The following AFG1L variants were observed in gnomAD, a reference collection of about 807,000 sequenced individuals.
AFG1L encodes AFG1-like ATPase.
In AFG1L, 53 loss-of-function variants were observed where a neutral mutation model predicts 62.2. The ratio of observed to expected loss-of-function variants is 0.85; its 90% CI spans 0.68 to 1.07. AFG1L has a LOEUF of 1.07. Ranked by LOEUF, AFG1L falls within the 50% of genes least tolerant of loss-of-function variation. The pLI, the probability that AFG1L is intolerant of heterozygous loss-of-function variation, is 0.00. For missense variants in AFG1L, 555 were observed against 590.5 expected (o/e 0.94, Z 0.62); for synonymous variants, 228 against 210.3 (o/e 1.08, Z -0.73).
At chr6:108,445,681 A>AGAGAGAGAGAGAGAGAGAGAGAGAGAGAG (rs1582598653) in intron 7 of AFG1L, among the ~76,000 whole-genome samples, 1 of 140,350 alleles carries the variant, frequency 7.1e-6, no homozygotes, top group African/African-American at 2.7e-5. Context: ...AGAGAGAGAG[A>AGAGAGAGAGAGAGAGAGAGAGAGAGAGAG]AACAGCCAGT....
At chr6:108,444,716 C>T (rs942020874) in intron 7 of AFG1L, among the ~76,000 whole-genome samples, 5 of 152,212 alleles carry the variant, frequency 3.3e-5, no homozygotes, top group Non-Finnish European at 7.3e-5. Context: ...TAGCTCTGAA[C>T]AGTAGGCTTA....
chr6:108,389,575 G>A (rs1317367503), intron 6 of AFG1L, among the ~76,000 whole-genome samples: 1 of 152,040 alleles, frequency 6.6e-6, no homozygotes, highest in East Asian at 1.9e-4. Flanking sequence ...CAGGCCTGGT[G>A]GTGACAAAAT....
chr6:108,519,302 T>C (rs2114917850), intron 11 of AFG1L, among the ~76,000 whole-genome samples: 1 of 152,322 alleles, frequency 6.6e-6, no homozygotes, highest in African/African-American at 2.4e-5. Flanking sequence ...CACCTCTTAA[T>C]CCTGTTGCAT....
intron 10 of AFG1L, among the ~76,000 whole-genome samples, chr6:108,480,406 A>G (rs1773280977): frequency 6.6e-6 from 1 of 152,224 alleles, no homozygotes; most frequent in Non-Finnish European, 1.5e-5. Context: ...CACAAAGCTA[A>G]TAAGTGGTGT....
Position 108,318,961 on chromosome 6 carries a change from G to T in AFG1L, c.140-4864G>T, listed in dbSNP as rs562690919. Among the ~76,000 whole-genome samples the T allele has an allele frequency of 6.6e-5, 10 of 152,268 alleles. No homozygotes were observed. In the South Asian group the frequency reaches 1.5e-3, roughly 22 times the overall value. ...TCAATTTATACAGCTGCTATCCAGG[G>T]CTAAGCTGGCCAATCTGTCAGCCTT... On this transcript the variant is annotated intron_variant, in intron 1 of 12. Coordinates refer to ENST00000368977, the MANE Select transcript of AFG1L (RefSeq NM_145315.5).
intron 1 of AFG1L, among the ~76,000 whole-genome samples, chr6:108,299,940 C>T (rs533787310): frequency 6.6e-6 from 1 of 152,216 alleles, no homozygotes; most frequent in South Asian, 2.1e-4. Context: ...TAAAAATTAG[C>T]ATATCTGAAA....
At chr6:108,361,613 A>G (rs997877214) in intron 5 of AFG1L, among the ~76,000 whole-genome samples, 1 of 152,222 alleles carries the variant, frequency 6.6e-6, no homozygotes, top group Non-Finnish European at 1.5e-5. Context: ...AGCAAGAGCT[A>G]TGCCTCTAAG....
At chr6:108,488,432 T>C (rs1304831565) in intron 10 of AFG1L, among the ~76,000 whole-genome samples, 3 of 152,102 alleles carry the variant, frequency 2.0e-5, no homozygotes, top group Non-Finnish European at 4.4e-5. Flanking sequence ...GGGTTGGAGA[T>C]TCTGTTGGTG....
intron 7 of AFG1L, among the ~76,000 whole-genome samples, chr6:108,445,633 T>TGAGAGAGAGAGAGAGAGAGAGAGA (rs59323063): frequency 7.7e-6 from 1 of 130,088 alleles, no homozygotes; most frequent in African/African-American, 2.9e-5. Context: ...ACACCTAAGG[T>TGAGAGAGAGAGAGAGAGAGAGAGA]GAGAGAGAGA....
chr6:108,346,564 C>G (rs1352094551), intron 2 of AFG1L, among the ~76,000 whole-genome samples: 1 of 152,088 alleles, frequency 6.6e-6, no homozygotes, highest in East Asian at 1.9e-4. Flanking sequence ...GATGAGGTCT[C>G]CCTATATTGC....
chr6:108,514,032 A>G (rs1185046882), intron 11 of AFG1L, among the ~76,000 whole-genome samples: 2 of 152,240 alleles, frequency 1.3e-5, no homozygotes, highest in Admixed American at 1.3e-4. Context: ...GCAAACTCCA[A>G]CAGACCTGCA....
chr6:108,474,963 C>T (rs1773051750), intron 8 of AFG1L, among the ~76,000 whole-genome samples: 1 of 152,084 alleles, frequency 6.6e-6, no homozygotes, highest in Non-Finnish European at 1.5e-5. Context: ...AATCTTTGCC[C>T]ATGCCTATGT....
intron 2 of AFG1L, among the ~76,000 whole-genome samples, chr6:108,339,762 A>C (rs1462694746): frequency 6.6e-6 from 1 of 152,012 alleles, no homozygotes; most frequent in Non-Finnish European, 1.5e-5. Context: ...TTATTTTTTA[A>C]TTTTTAATTT....
At chr6:108,446,105 C>T (rs530138047) in intron 7 of AFG1L, among the ~76,000 whole-genome samples, 1 of 136,302 alleles carries the variant, frequency 7.3e-6, no homozygotes, top group East Asian at 2.2e-4. Context: ...CACACACACC[C>T]CTACATATAT....
At chr6:108,410,840 C>A (rs1357311085) in intron 7 of AFG1L, among the ~76,000 whole-genome samples, 1 of 152,116 alleles carries the variant, frequency 6.6e-6, no homozygotes, top group African/African-American at 2.4e-5. Context: ...GGAACAGATC[C>A]AGTCTACAGC....
intron 6 of AFG1L, among the ~76,000 whole-genome samples, chr6:108,400,089 A>G (rs892228488): frequency 6.6e-6 from 1 of 152,042 alleles, no homozygotes; most frequent in South Asian, 2.1e-4. Flanking sequence ...CTCTTGGGAA[A>G]TCTTTAGGTT....
At chr6:108,295,457 G>T (rs2114805330) in intron 1 of AFG1L, among the ~76,000 whole-genome samples, 1 of 152,296 alleles carries the variant, frequency 6.6e-6, no homozygotes, top group African/African-American at 2.4e-5. Flanking sequence ...CTCAGAGTTT[G>T]TTCCTTCCGG....
Position 108,399,177 on chromosome 6 carries a change from TG to T in AFG1L, c.749-2818del, listed in dbSNP as rs1284746526. Among the ~76,000 whole-genome samples the T allele has an allele frequency of 2.4e-3, 248 of 102,614 alleles. 11 individuals are homozygous for T. The highest frequency in any genetic ancestry group is 5.2e-3 in the Admixed American group (39 of 7,466). 67.3% of individuals were successfully genotyped at this position (102,614 alleles called of 152,430 possible). On this transcript the variant is annotated intron_variant, in intron 6 of 12. Coordinates refer to ENST00000368977, the MANE Select transcript of AFG1L (RefSeq NM_145315.5). ...GCAAAGATCTGTCACTTCTTTTGTT[TG>T]TTTTTTTTTTTTTTTTTTTTTTTTT...
intron 7 of AFG1L, among the ~76,000 whole-genome samples, chr6:108,421,448 G>A (rs1393533861): frequency 4.6e-5 from 7 of 152,192 alleles, no homozygotes; most frequent in South Asian, 2.1e-4. Context: ...ATAATTAGGC[G>A]TAATTAGCGT....
Sources: allele counts gnomAD v4.1 joint callset (sites outside exome capture counted in the v4.1 genomes callset), GRCh38; gene constraint gnomAD v4.1.1; transcripts MANE v1.5; gene names NCBI Gene and HGNC (gene_info 2026-07-23, HGNC 2026-07-21).